MYH3: variants seen among roughly 807,000 people sequenced by gnomAD.
MYH3 encodes the protein myosin heavy chain 3.
Under a neutral mutation model 238.0 loss-of-function variants are expected in MYH3, and 130 were observed. The observed-to-expected ratio is 0.55, with a 90% confidence interval of 0.47 to 0.63. The LOEUF (loss-of-function observed/expected upper bound fraction) is 0.63, where lower values mean the gene tolerates loss of function less well. Ranked by LOEUF, MYH3 falls within the 30% of genes least tolerant of loss-of-function variation. The probability of loss-of-function intolerance (pLI) is 0.00; values close to 1 mark genes in which losing one functional copy is unlikely to be tolerated. For synonymous variants in MYH3, 880 were observed against 924.1 expected (o/e 0.95, Z 0.86); for missense variants, 1,853 against 2,374.9 (o/e 0.78, Z 4.57).
rs757623678 is a variant in MYH3 at position 10,640,342 on chromosome 17, A to T, written c.2417T>A (p.Val806Glu). ...FLMRVEFQKM[V>E]QRRESIFCIQ... ...AAAGACCCTGCTGGACCTCCTCTGC[A>T]CCATCTTCTGGAATTCCACACGCAT... The change falls in exon 21 of 41, where the codon GTG becomes GAG. Residue 806 changes from valine (V) to glutamate (E), a missense_variant. Val to Glu is a moderately radical substitution (Grantham distance 121, BLOSUM62 -2). Coordinates refer to ENST00000583535, the MANE Select transcript of MYH3 (RefSeq NM_002470.4). 1 of 1,614,238 alleles carries T rather than the reference A, an allele frequency of 6.2e-7. No individual in the cohort carries two copies. Among genetic ancestry groups the T allele is most frequent in the Non-Finnish European group, 8.5e-7 (1 of 1,180,042 alleles).
At chr17:10,637,986 A>C in intron 27 of MYH3, 51 bp from the exon 28 acceptor site, 1 of 1,614,084 alleles carries the variant, frequency 6.2e-7, no homozygotes. Context: ...TCAGGTTTCA[A>C]TGACCACGGA....
At chr17:10,655,707 A>T (rs2074422330) in intron 2 of MYH3, among the ~76,000 whole-genome samples, 1 of 151,802 alleles carries the variant, frequency 6.6e-6, no homozygotes, top group African/African-American at 2.4e-5. Context: ...ACTGGAGTGC[A>T]GTGGCACGAT....
chr17:10,640,585 T>C lies in MYH3; in HGVS notation c.2267A>G (p.Gln756Arg), dbSNP rs1892751779. ...TACCTTGGTATGTCCAAATTTGTAC[T>C]GAGTGTGGTCAATATCAATGGATGC... is the stretch of plus-strand genomic sequence containing the variant. ...LLASIDIDHT[Q>R]YKFGHTKVFF... The change falls in exon 20 of 41, where the codon CAG (glutamine) becomes CGG (arginine). Residue 756 changes from glutamine (Q) to arginine (R), a missense_variant. Coordinates refer to ENST00000583535, the MANE Select transcript of MYH3 (RefSeq NM_002470.4). 6.2e-7 allele frequency: 1 copy of C among 1,614,168 alleles called. No homozygotes were observed. Among genetic ancestry groups the C allele is most frequent in the African/African-American group, 1.3e-5 (1 of 74,958 alleles).
At chr17:10,666,986 C>T in the MYH3 span, among the ~76,000 whole-genome samples, 1 of 152,100 alleles carries the variant, frequency 6.6e-6, no homozygotes, top group Non-Finnish European at 1.5e-5. Context: ...AAATGCTTAC[C>T]TTTCCCTATT....
intron 31 of MYH3, 49 bp downstream of exon 31, chr17:10,634,791 G>A: frequency 1.2e-6 from 2 of 1,608,426 alleles, no homozygotes; most frequent in Non-Finnish European, 1.7e-6. Flanking sequence ...ACGGCTGCTA[G>A]GAATCCCTTA....
intron 21 of MYH3, 40 bp from the exon 22 acceptor site, chr17:10,640,291 C>T (rs969941796): frequency 6.2e-7 from 1 of 1,614,248 alleles, no homozygotes; most frequent in Non-Finnish European, 8.5e-7. Context: ...AGAGACTCCC[C>T]TTCCCCAAAG....
chr17:10,646,064 C>T, intron 10 of MYH3, 32 bp from the exon 11 acceptor site: 2 of 1,592,170 alleles, frequency 1.3e-6, no homozygotes, highest in Non-Finnish European at 1.7e-6. Context: ...GGAGGTTATG[C>T]AGATGCAAAG....
chr17:10,677,967 T>C, the MYH3 span: 3 of 151,992 alleles, frequency 2.0e-5, no homozygotes, highest in African/African-American at 7.3e-5. Flanking sequence ...AATACAAAAT[T>C]AGCCGGGTGT....
chr17:10,639,814 A>C lies in MYH3; in HGVS notation c.2683-12T>G. ...AAATTTTCGCTTTCCTTAAAAAAAAAAGAATAATAACTTCGTTGAATGATA... is the reference window on the plus strand; with the variant it reads ...AAATTTTCGCTTTCCTTAAAAAAAACAGAATAATAACTTCGTTGAATGATA... On this transcript the variant is annotated splice_polypyrimidine_tract_variant and intron_variant, in intron 22 of 40. Coordinates refer to ENST00000583535, the MANE Select transcript of MYH3 (RefSeq NM_002470.4). 6.2e-7 allele frequency: 1 copy of C among 1,613,770 alleles called. No homozygotes were observed. Among genetic ancestry groups the C allele is most frequent in the Non-Finnish European group, 8.5e-7 (1 of 1,179,750 alleles).
In MYH3 at chr17:10,635,421, C is replaced by T. The variant is rs1378736443; in HGVS notation, c.4118G>A (p.Arg1373Lys). 8 of 1,613,922 alleles carry T rather than the reference C, an allele frequency of 5.0e-6. No homozygotes were observed. The highest frequency in any genetic ancestry group is 1.7e-5 in the Admixed American group (1 of 60,006). ...GATGGCGTCCGTCTCGTATTTGGTT[C>T]TCCACTGGGCAACCTCACTATTGGC... ...SKANSEVAQW[R>K]TKYETDAIQR... Residue 1373 changes from arginine to lysine, a missense_variant, in exon 30 of 41, where the codon AGA (arginine) becomes AAA (lysine). Transcript: ENST00000583535.
intron 19 of MYH3, 119 bp from the exon 20 acceptor site, chr17:10,640,805 A>C: frequency 7.7e-7 from 1 of 1,299,720 alleles, no homozygotes; most frequent in Non-Finnish European, 1.1e-6. Flanking sequence ...AGATGAGGGA[A>C]CTAGCTCGGA....
Position 10,632,554 on chromosome 17 carries a change from G to T in MYH3, c.4878C>A (p.Ile1626=). The T allele has an allele frequency of 6.2e-7, 1 of 1,614,148 alleles. No individual in the cohort carries two copies. Among genetic ancestry groups the T allele is most frequent in the African/African-American group, 1.3e-5 (1 of 75,058 alleles). ...KKKMEGDLNE[I]EIQLSHANRQ... ...GGTTGGCGTGGCTCAGCTGGATCTC[G>T]ATTTCATTCAGGTCCCCCTCCATCT... The change falls in exon 34 of 41, where the codon ATC becomes ATA. Residue 1626 remains isoleucine (I), a synonymous_variant. Coordinates refer to ENST00000583535, the MANE Select transcript of MYH3 (RefSeq NM_002470.4).
At chr17:10,663,603 T>C in the MYH3 span, among the ~76,000 whole-genome samples, 1 of 151,946 alleles carries the variant, frequency 6.6e-6, no homozygotes, top group Non-Finnish European at 1.5e-5. Context: ...CATTGATGGA[T>C]TTCTCGAAGG....
At position 10,639,318 on chromosome 17, in the gene MYH3, G is replaced by C; in HGVS notation, c.3082C>G (p.Leu1028Val). 6.2e-7 allele frequency: 1 copy of C among 1,614,142 alleles called. No homozygotes were observed. The highest frequency in any genetic ancestry group is 1.1e-5 in the South Asian group (1 of 91,078). Residue 1028 changes from leucine (L) to valine (V), a missense_variant, in exon 24 of 41, where the codon CTG becomes GTG. By Grantham distance (32) the Leu-to-Val change is conservative. Transcript: ENST00000583535. ...VNSLNKTKSK[L>V]EQQVEDLESS... ...CTTACGTCTTCCACTTGCTGTTCCA[G>C]TTTGCTCTTGGTTTTGTTCAAAGAA...
In MYH3 at chr17:10,629,753, G is replaced by A; in HGVS notation, c.5659-19C>T. On this transcript the variant is annotated intron_variant, in intron 39 of 40. Coordinates refer to ENST00000583535, the MANE Select transcript of MYH3 (RefSeq NM_002470.4). ...GTTCATCCTAAAACCAAAGAGCCCA[G>A]GCAGGTTATATCAGCACGCGCCTCT... 6.2e-7 allele frequency: 1 copy of A among 1,614,222 alleles called. No homozygotes were observed. The highest frequency in any genetic ancestry group is 8.5e-7 in the Non-Finnish European group (1 of 1,180,054).
At chr17:10,649,346 G>C (rs2074353450) in intron 7 of MYH3, among the ~76,000 whole-genome samples, 1 of 152,182 alleles carries the variant, frequency 6.6e-6, no homozygotes, top group Non-Finnish European at 1.5e-5. Flanking sequence ...ATTGACCTCT[G>C]AAGTTTAGCC....
chr17:10,660,214 C>T (rs1236241788), upstream of MYH3, among the ~76,000 whole-genome samples: 2 of 152,318 alleles, frequency 1.3e-5, no homozygotes, highest in African/African-American at 2.4e-5. Context: ...CACCATGCCT[C>T]GTGCTGTGTT....
rs756676138 is a variant in MYH3 at position 10,639,403 on chromosome 17, G to A, written c.2997C>T (p.Ala999=). 3 of 1,614,044 alleles carry A rather than the reference G, an allele frequency of 1.9e-6. No individual in the cohort carries two copies. The highest frequency in any genetic ancestry group is 2.5e-6 in the Non-Finnish European group (3 of 1,179,986). Residue 999 remains alanine (A), a synonymous_variant, in exon 24 of 41, where the codon GCC becomes GCT. Transcript: ENST00000583535. ...TIAKLTREKK[A]LQEAHQQALD... is the part of the protein sequence containing the mutation. ...AGGCCTGCTGGTGCGCCTCTTGGAGGGCCTTCTTCTCTCTGGTTAACTTTG... is the reference window on the plus strand; with the variant it reads ...AGGCCTGCTGGTGCGCCTCTTGGAGAGCCTTCTTCTCTCTGGTTAACTTTG...
At chr17:10,655,580 A>G (rs2074420542) in intron 2 of MYH3, among the ~76,000 whole-genome samples, 1 of 152,216 alleles carries the variant, frequency 6.6e-6, no homozygotes, top group Admixed American at 6.5e-5. Context: ...GGTTGCTAAG[A>G]ACAAAATCAA....
Sources: allele counts gnomAD v4.1 joint callset (sites outside exome capture counted in the v4.1 genomes callset), GRCh38; gene constraint gnomAD v4.1.1; transcripts MANE v1.5; gene names NCBI Gene and HGNC (gene_info 2026-07-23, HGNC 2026-07-21).